Variants in PAPPA observed in about 807,000 individuals in gnomAD.
The protein encoded by PAPPA is pappalysin 1, also known as pappalysin-1.
Under a neutral mutation model 164.0 loss-of-function variants are expected in PAPPA, and 60 were observed. The observed-to-expected ratio is 0.37, with a 90% CI of 0.30 to 0.45. The LOEUF (loss-of-function observed/expected upper bound fraction) is 0.45. Ranked by LOEUF, PAPPA falls within the 20% of genes least tolerant of loss-of-function variation. The pLI, the probability that PAPPA is intolerant of heterozygous loss-of-function variation, is 1.00. For synonymous variants in PAPPA, 875 were observed against 814.1 expected, an observed-to-expected ratio of 1.07 and a Z score of -1.27; for missense variants, 1,782 against 2,087.3, an observed-to-expected ratio of 0.85 and a Z score of 2.85.
chr9:116,160,066 C>T (rs989366011), intron 1 of PAPPA, among the ~76,000 whole-genome samples: 18 of 152,276 alleles, frequency 1.2e-4, no homozygotes, highest in Admixed American at 3.9e-4. Context: ...GGCCTGGGAA[C>T]GGGTGTTTCC....
chr9:116,177,422 C>T (rs538447284), intron 1 of PAPPA, among the ~76,000 whole-genome samples: 2 of 152,312 alleles, frequency 1.3e-5, no homozygotes, highest in South Asian at 2.1e-4. Flanking sequence ...GTGCTTTCTA[C>T]TTGCCAATCA....
At chr9:116,372,373 A>G (rs1289699516) in intron 19 of PAPPA, among the ~76,000 whole-genome samples, 1 of 152,200 alleles carries the variant, frequency 6.6e-6, no homozygotes. Context: ...AGTTCTTAAA[A>G]TTTGAAATCT....
intron 19 of PAPPA, 86 bp downstream of exon 19, chr9:116,367,840 T>C: frequency 2.3e-6 from 2 of 873,984 alleles, no homozygotes; most frequent in South Asian, 2.9e-5. Flanking sequence ...CGGTTCTGAG[T>C]TCATTCTTTC....
chr9:116,273,683 A>G (rs2118829891), intron 9 of PAPPA, among the ~76,000 whole-genome samples: 1 of 152,310 alleles, frequency 6.6e-6, no homozygotes, highest in South Asian at 2.1e-4. Context: ...CTGAAGCAGG[A>G]GAATCACTTG....
intron 9 of PAPPA, chr9:116,286,741 C>A (rs1845344215): frequency 6.6e-6 from 1 of 152,144 alleles, no homozygotes; most frequent in Non-Finnish European, 1.5e-5. Flanking sequence ...CAGATTACTT[C>A]CTTTAAGGAA....
chr9:116,295,461 G>C (rs1462068146), intron 9 of PAPPA, among the ~76,000 whole-genome samples: 7 of 151,190 alleles, frequency 4.6e-5, no homozygotes, highest in African/African-American at 1.7e-4. Flanking sequence ...GGCTGAGGCA[G>C]GAGAATTGCT....
intron 1 of PAPPA, among the ~76,000 whole-genome samples, chr9:116,161,706 C>T (rs1301590431): frequency 1.4e-5 from 2 of 143,550 alleles, no homozygotes; most frequent in African/African-American, 2.6e-5. Context: ...TTAAAAAGCT[C>T]CAGAAAAAAA....
chr9:116,367,556 G>C (rs1846517577), intron 18 of PAPPA, 89 bp from the exon 19 acceptor site: 1 of 913,620 alleles, frequency 1.1e-6, no homozygotes, highest in Non-Finnish European at 1.8e-6. Context: ...CAGGGACCAG[G>C]GAGTGGGAGG....
At chr9:116,353,938 C>T (rs371839265) in intron 17 of PAPPA, 145 bp downstream of exon 17, 37 of 543,500 alleles carry the variant, frequency 6.8e-5, no homozygotes, top group African/African-American at 6.0e-4. Context: ...TTTTGATTTG[C>T]TCAGAGATTC....
At chr9:116,221,832 C>T (rs1448738109) in intron 5 of PAPPA, among the ~76,000 whole-genome samples, 1 of 152,166 alleles carries the variant, frequency 6.6e-6, no homozygotes, top group Non-Finnish European at 1.5e-5. Context: ...ATAGACACTT[C>T]AAGACACACA....
At position 116,187,881 on chromosome 9, in the gene PAPPA, G is replaced by A. The variant is rs1843994676; in HGVS notation, c.1143G>A (p.Gln381=). The change falls in exon 2 of 22, where the codon CAG becomes CAA. Residue 381 remains glutamine, a synonymous_variant. Coordinates refer to ENST00000328252, the MANE Select transcript of PAPPA (RefSeq NM_002581.5). This position sits in a 1 kb window ranked among gnomAD's most constrained non-coding sequence, Gnocchi z 4.2. ...AGCAGGTGGACTTCCAGCACCATCAGCTGGCTGAGGCCTTCAAGCAATACA... is the reference window on the plus strand; with the variant it reads ...AGCAGGTGGACTTCCAGCACCATCAACTGGCTGAGGCCTTCAAGCAATACA... ...TREQVDFQHH[Q]LAEAFKQYNI... is the part of the protein sequence containing the mutation. 1.2e-6 allele frequency: 2 copies of A among 1,614,174 alleles called. No individual in the cohort carries two copies. The highest frequency in any genetic ancestry group is 4.5e-5 in the East Asian group (2 of 44,886).
chr9:116,274,730 T>C (rs1845176950), intron 9 of PAPPA, among the ~76,000 whole-genome samples: 1 of 152,206 alleles, frequency 6.6e-6, no homozygotes, highest in South Asian at 2.1e-4. Flanking sequence ...ATAATTATTC[T>C]AATAAGGAAG....
chr9:116,344,819 C>CAGAGA, intron 14 of PAPPA, 108 bp downstream of exon 14: 2 of 850,402 alleles, frequency 2.4e-6, no homozygotes, highest in Non-Finnish European at 3.6e-6. Context: ...ATAGTGCTGC[C>CAGAGA]ACATAGTAGG....
intron 15 of PAPPA, among the ~76,000 whole-genome samples, chr9:116,349,462 C>G (rs1846253615): frequency 6.6e-6 from 1 of 152,160 alleles, no homozygotes; most frequent in Admixed American, 6.5e-5. Context: ...GCCTTAGGAT[C>G]TAGAAAGTGC....
chr9:116,392,936 T>G (rs1168430438), intron 21 of PAPPA, among the ~76,000 whole-genome samples: 1 of 152,194 alleles, frequency 6.6e-6, no homozygotes, highest in Non-Finnish European at 1.5e-5. Context: ...ACAAGGAGGC[T>G]CTGGATAGGC....
At chr9:116,379,610 T>A (rs530771698) in intron 20 of PAPPA, among the ~76,000 whole-genome samples, 1 of 152,314 alleles carries the variant, frequency 6.6e-6, no homozygotes, top group African/African-American at 2.4e-5. Context: ...ATTTATGGAA[T>A]CTATATTTGA....
At chr9:116,337,545 C>T (rs1306622684) in intron 13 of PAPPA, among the ~76,000 whole-genome samples, 1 of 152,078 alleles carries the variant, frequency 6.6e-6, no homozygotes, top group African/African-American at 2.4e-5. Context: ...GTAGGAGAAA[C>T]ATCCCACTTT....
At chr9:116,370,306 T>C (rs1447530467) in intron 19 of PAPPA, among the ~76,000 whole-genome samples, 5 of 152,048 alleles carry the variant, frequency 3.3e-5, no homozygotes, top group Non-Finnish European at 7.4e-5. Context: ...CCCTATCAGG[T>C]GGGTATTAGT....
At chr9:116,346,474 G>A (rs1045556663) in intron 14 of PAPPA, among the ~76,000 whole-genome samples, 2 of 152,156 alleles carry the variant, frequency 1.3e-5, no homozygotes, top group African/African-American at 4.8e-5. Flanking sequence ...GGACTTGCCT[G>A]TGGTCTCATA....
Sources: allele counts gnomAD v4.1 joint callset (sites outside exome capture counted in the v4.1 genomes callset), GRCh38; gene constraint gnomAD v4.1.1; non-coding constraint Gnocchi (gnomAD v3.1); transcripts MANE v1.5; gene names NCBI Gene and HGNC (gene_info 2026-07-23, HGNC 2026-07-21).